The following TIMM23 variants were observed in gnomAD, a reference collection of about 807,000 sequenced individuals.
TIMM23 encodes translocase of inner mitochondrial membrane 23, also known as mitochondrial import inner membrane translocase subunit Tim23.
Under a neutral mutation model 30.7 loss-of-function variants are expected in TIMM23, and 19 were observed. The observed-to-expected ratio is 0.62, with a 90% CI of 0.43 to 0.91. TIMM23 has a LOEUF of 0.91. Among genes scored for constraint, TIMM23 ranks in the 40% least tolerant of loss-of-function variants. The pLI is 0.00. For missense variants in TIMM23, 202 were observed against 269.2 expected, an observed-to-expected ratio of 0.75 and a Z score of 1.75; for synonymous variants, 78 against 98.5, an observed-to-expected ratio of 0.79 and a Z score of 1.23.
chr10:45,982,109 G>A (rs1267889950), intron 2 of TIMM23, among the ~76,000 whole-genome samples: 10 of 152,150 alleles, frequency 6.6e-5, no homozygotes, highest in African/African-American at 2.2e-4. Context: ...TTTTGCTCAT[G>A]TTTGTGAACA....
At chr10:45,979,248 G>A (rs1554913621) in intron 2 of TIMM23, among the ~76,000 whole-genome samples, 2 of 152,174 alleles carry the variant, frequency 1.3e-5, no homozygotes, top group Middle Eastern at 3.2e-3. Context: ...TGAATTGTAC[G>A]CTCTAAGTAA....
At chr10:45,991,966 T>G (rs1554915848) in intron 6 of TIMM23, among the ~76,000 whole-genome samples, 1 of 151,416 alleles carries the variant, frequency 6.6e-6, no homozygotes, top group South Asian at 2.1e-4. Flanking sequence ...CTAAAATGTT[T>G]CCTTTGTTTT....
At chr10:45,998,498 C>G in intron 6 of TIMM23, 4 of 593,876 alleles carry the variant, frequency 6.7e-6, no homozygotes, top group Non-Finnish European at 8.5e-6. Context: ...TATCAACTTC[C>G]TGTGCTTAGT....
intron 5 of TIMM23, among the ~76,000 whole-genome samples, chr10:45,987,169 A>G (rs1440295699): frequency 6.6e-6 from 1 of 152,018 alleles, no homozygotes; most frequent in Non-Finnish European, 1.5e-5. Flanking sequence ...TGTTCTAGTG[A>G]TCATTCCATG....
In TIMM23 at chr10:46,003,640, A is replaced by G. The variant is rs187644579; in HGVS notation, c.*322A>G. ...AATTCAGGTCGTGCTTGTTAGTACT[A>G]TATCACCAAGTCCATTCATTTAATG... On this transcript the variant is annotated 3_prime_UTR_variant, in exon 7 of 7. Transcript: ENST00000580018. 25 of 216,572 alleles carry G rather than the reference A, an allele frequency of 1.2e-4. No individual in the cohort carries two copies. Among genetic ancestry groups the G allele is most frequent in the African/African-American group, 1.4e-4 (6 of 43,504 alleles). 13.4% of individuals were successfully genotyped at this position (216,572 alleles called of 1,614,324 possible).
chr10:45,998,491 C>A, intron 6 of TIMM23: 1 of 634,348 alleles, frequency 1.6e-6, no homozygotes, highest in Non-Finnish European at 2.0e-6. Flanking sequence ...CTTTGCTTAT[C>A]AACTTCCTGT....
At chr10:45,980,544 A>G (rs1837810817) in intron 2 of TIMM23, among the ~76,000 whole-genome samples, 1 of 152,176 alleles carries the variant, frequency 6.6e-6, no homozygotes, top group African/African-American at 2.4e-5. Flanking sequence ...GTACAAAAAT[A>G]AGGAAAATTT....
chr10:45,982,721 A>G (rs1196930813), intron 3 of TIMM23, 105 bp downstream of exon 3: 3 of 1,559,454 alleles, frequency 1.9e-6, no homozygotes, highest in African/African-American at 2.8e-5. Context: ...TTTTTTTAAT[A>G]TTTACATTTG....
chr10:45,974,193 T>C (rs1554912492), intron 1 of TIMM23, among the ~76,000 whole-genome samples: 6 of 151,802 alleles, frequency 4.0e-5, no homozygotes, highest in Non-Finnish European at 7.4e-5. Context: ...AAAAGAGGAC[T>C]CTTGCGCTCA....
At chr10:46,000,383 G>T (rs1453847417) in intron 6 of TIMM23, among the ~76,000 whole-genome samples, 2 of 152,168 alleles carry the variant, frequency 1.3e-5, no homozygotes, top group Non-Finnish European at 2.9e-5. Context: ...CCCTCCGTTT[G>T]GGGTCCCTGA....
In TIMM23 at chr10:45,982,534, G is replaced by A. The variant is rs1357293105; in HGVS notation, c.177G>A (p.Glu59=). ...TATTATCCTTTTAGGATACAGATGA[G>A]TTTATTTTACCTACCGGAGCTAATA... ...DPRYLVQDTD[E]FILPTGANKT... is the part of the protein sequence containing the mutation. Residue 59 remains glutamate (E), a synonymous_variant, in exon 3 of 7, where the codon GAG becomes GAA. Transcript: ENST00000580018. 1.0e-4 allele frequency: 168 copies of A among 1,613,950 alleles called. No individual in the cohort carries two copies. Among genetic ancestry groups the A allele is most frequent in the Non-Finnish European group, 1.3e-4 (156 of 1,179,854 alleles).
At chr10:45,988,881 T>A in intron 6 of TIMM23, 34 bp downstream of exon 6, 1 of 1,605,644 alleles carries the variant, frequency 6.2e-7, no homozygotes, top group Non-Finnish European at 8.5e-7. Flanking sequence ...CATCTCTTAA[T>A]ACACTTGAAG....
At chr10:45,998,953 C>G in intron 6 of TIMM23, among the ~76,000 whole-genome samples, 1 of 151,558 alleles carries the variant, frequency 6.6e-6, no homozygotes, top group East Asian at 1.9e-4. Context: ...TTGCTTCAGC[C>G]TCCCACATAG....
intron 2 of TIMM23, among the ~76,000 whole-genome samples, chr10:45,978,171 A>T (rs1378042735): frequency 2.0e-5 from 3 of 152,016 alleles, no homozygotes; most frequent in Non-Finnish European, 4.4e-5. Context: ...GGCCAACATA[A>T]GAAGATCCCA....
intron 5 of TIMM23, 106 bp downstream of exon 5, chr10:45,985,547 T>C: frequency 2.2e-6 from 3 of 1,365,614 alleles, no homozygotes; most frequent in Middle Eastern, 1.8e-4. Context: ...GAGACAATTA[T>C]GTTTAAACCC....
At chr10:45,985,925 G>A (rs1171304110) in intron 5 of TIMM23, among the ~76,000 whole-genome samples, 4 of 152,192 alleles carry the variant, frequency 2.6e-5, no homozygotes, top group Non-Finnish European at 5.9e-5. Flanking sequence ...TAATGAAAAC[G>A]TTTGCAGTTC....
chr10:46,003,041 T>A (rs1416152864), intron 6 of TIMM23, among the ~76,000 whole-genome samples, 162 bp from the exon 7 acceptor site: 3 of 152,116 alleles, frequency 2.0e-5, no homozygotes, highest in Admixed American at 1.3e-4. Context: ...CTGGTTGAAC[T>A]CCTATCCTCA....
At chr10:45,995,322 A>G (rs1838296431) in intron 6 of TIMM23, among the ~76,000 whole-genome samples, 1 of 151,906 alleles carries the variant, frequency 6.6e-6, no homozygotes, top group Non-Finnish European at 1.5e-5. Context: ...TACATATAAT[A>G]TGCCTTAAAT....
rs1363179031 is a variant in TIMM23 at position 45,988,865 on chromosome 10, G to A, written c.514+18G>A. On this transcript the variant is annotated intron_variant, in intron 6 of 6. Transcript: ENST00000580018. Reference sequence around the variant, plus strand: ...ATGTACAGGTGAGTACTGTTGAATGGGGAGCCATCTCTTAATACACTTGAA... The same window carrying A: ...ATGTACAGGTGAGTACTGTTGAATGAGGAGCCATCTCTTAATACACTTGAA... 54 of 1,608,296 alleles carry A rather than the reference G, an allele frequency of 3.4e-5. No homozygotes were observed. Among genetic ancestry groups the A allele is most frequent in the Non-Finnish European group, 4.5e-5 (53 of 1,175,062 alleles).
Sources: gnomAD v4.1 joint callset for allele counts (sites outside exome capture counted in the v4.1 genomes callset) on GRCh38, gnomAD v4.1.1 for gene constraint, MANE v1.5 for transcripts, NCBI Gene and HGNC (gene_info 2026-07-23, HGNC 2026-07-21) for gene names.